SEMA5A: variants seen among roughly 807,000 people sequenced by gnomAD.
The protein encoded by SEMA5A is semaphorin-5A.
A neutral mutation model predicts 135.5 loss-of-function variants in SEMA5A; 55 were observed. The ratio of observed to expected loss-of-function variants is 0.41; its 90% CI spans 0.33 to 0.51. The LOEUF (loss-of-function observed/expected upper bound fraction) is 0.51. Among genes scored for constraint, SEMA5A ranks in the 20% least tolerant of loss-of-function variants. SEMA5A has a pLI of 0.37. For synonymous variants in SEMA5A, 580 were observed against 546.5 expected, an observed-to-expected ratio of 1.06 and a Z score of -0.85; for missense variants, 1,290 against 1,419.9, an observed-to-expected ratio of 0.91 and a Z score of 1.47.
intron 1 of SEMA5A, among the ~76,000 whole-genome samples, chr5:9,438,255 G>A (rs752160529): frequency 7.2e-5 from 11 of 151,884 alleles, no homozygotes; most frequent in Non-Finnish European, 1.5e-4. Flanking sequence ...TGGAACACAT[G>A]GTACCTTATA....
chr5:9,484,325 C>T (rs1432411521), intron 1 of SEMA5A, among the ~76,000 whole-genome samples: 1 of 152,130 alleles, frequency 6.6e-6, no homozygotes, highest in Non-Finnish European at 1.5e-5. Context: ...CCTTGGCCTC[C>T]CACAGTCAGA....
chr5:9,302,656 T>C (rs1290270347), intron 5 of SEMA5A, among the ~76,000 whole-genome samples: 1 of 152,174 alleles, frequency 6.6e-6, no homozygotes, highest in Non-Finnish European at 1.5e-5. Context: ...TGCTATAATA[T>C]CGATATTGAA....
intron 2 of SEMA5A, among the ~76,000 whole-genome samples, chr5:9,385,607 C>A (rs561252572): frequency 6.6e-6 from 1 of 152,184 alleles, no homozygotes; most frequent in African/African-American, 2.4e-5. Context: ...GTGAGCTGAC[C>A]TAGTGAGGTG....
intron 15 of SEMA5A, among the ~76,000 whole-genome samples, chr5:9,118,283 A>C (rs1740628013): frequency 6.6e-6 from 1 of 152,238 alleles, no homozygotes; most frequent in Admixed American, 6.5e-5. Context: ...ATAGTGACAA[A>C]TTAGAATAAA....
intron 3 of SEMA5A, among the ~76,000 whole-genome samples, chr5:9,375,837 G>T (rs1039527348): frequency 1.3e-5 from 2 of 151,448 alleles, no homozygotes; most frequent in Admixed American, 6.6e-5. Flanking sequence ...CCCCATTCTT[G>T]GTTCTCAGAA....
At chr5:9,240,187 A>C (rs1490591441) in intron 5 of SEMA5A, among the ~76,000 whole-genome samples, 1 of 152,092 alleles carries the variant, frequency 6.6e-6, no homozygotes, top group Non-Finnish European at 1.5e-5. Context: ...GATTTTCTGA[A>C]GATAGTGATT....
intron 3 of SEMA5A, among the ~76,000 whole-genome samples, chr5:9,372,897 C>T (rs774101213): frequency 3.3e-5 from 5 of 152,206 alleles, no homozygotes; most frequent in Non-Finnish European, 5.9e-5. Flanking sequence ...TGACACTGTC[C>T]GTGTTACGCC....
chr5:9,482,874 A>AT (rs1351438041), intron 1 of SEMA5A, among the ~76,000 whole-genome samples: 1 of 152,200 alleles, frequency 6.6e-6, no homozygotes, highest in African/African-American at 2.4e-5. Context: ...TTTCCTGATC[A>AT]TTTAGTCTCA....
intron 2 of SEMA5A, among the ~76,000 whole-genome samples, chr5:9,396,143 A>G (rs1465118773): frequency 2.6e-5 from 4 of 152,142 alleles, no homozygotes; most frequent in African/African-American, 9.7e-5. Flanking sequence ...TTGTAGGATC[A>G]GGCAGTACTT....
chr5:9,218,460 C>T (rs1746756215), intron 8 of SEMA5A, among the ~76,000 whole-genome samples: 2 of 152,096 alleles, frequency 1.3e-5, no homozygotes, highest in Non-Finnish European at 2.9e-5. Flanking sequence ...TCGGTTTGTC[C>T]AATAACTATT....
intron 1 of SEMA5A, among the ~76,000 whole-genome samples, chr5:9,480,865 T>C (rs567842129): frequency 1.3e-5 from 2 of 152,324 alleles, no homozygotes; most frequent in South Asian, 4.1e-4. Flanking sequence ...GACACATAGA[T>C]ATGCTCAGTT....
chr5:9,343,269 T>C (rs1437720241), intron 3 of SEMA5A, among the ~76,000 whole-genome samples: 1 of 152,200 alleles, frequency 6.6e-6, no homozygotes, highest in African/African-American at 2.4e-5. Context: ...ACTGATCTGC[T>C]TTATTGGAGT....
intron 9 of SEMA5A, among the ~76,000 whole-genome samples, chr5:9,200,960 G>C (rs1266972793): frequency 1.3e-5 from 2 of 152,186 alleles, no homozygotes; most frequent in East Asian, 3.8e-4. Context: ...CTAAAACTGG[G>C]ATAATCTCAG....
At chr5:9,455,357 G>A (rs1192697236) in intron 1 of SEMA5A, among the ~76,000 whole-genome samples, 2 of 151,718 alleles carry the variant, frequency 1.3e-5, no homozygotes, top group South Asian at 2.1e-4. Context: ...CCAGGTTCAC[G>A]CCATTCTCCT....
chr5:9,186,970 T>TCTATA (rs1561000251), intron 11 of SEMA5A, among the ~76,000 whole-genome samples: 1 of 152,214 alleles, frequency 6.6e-6, no homozygotes, highest in Non-Finnish European at 1.5e-5. Flanking sequence ...CCCTCCCGCT[T>TCTATA]CTATATCAGT....
chr5:9,068,474 G>C (rs375946477), intron 16 of SEMA5A, among the ~76,000 whole-genome samples: 1 of 152,274 alleles, frequency 6.6e-6, no homozygotes. Flanking sequence ...GTGTCCAGTA[G>C]ACACCCACTT....
chr5:9,211,116 C>T lies in SEMA5A; in HGVS notation c.647-8876G>A, dbSNP rs1806046. 2.6e-5 allele frequency among the ~76,000 whole-genome samples: 4 copies of T among 152,314 alleles called. No individual in the cohort carries two copies. The South Asian group carries it at 8.3e-4, about 32-fold the overall frequency. ...TCATTGTGCTGTGTCACATGTCACA[C>T]AACTTTGCTCAACACACTTTCCATC... On this transcript the variant is annotated intron_variant, in intron 8 of 22. Coordinates refer to ENST00000382496, the MANE Select transcript of SEMA5A (RefSeq NM_003966.3).
chr5:9,433,111 G>A (rs538063669), intron 2 of SEMA5A, among the ~76,000 whole-genome samples: 5 of 152,160 alleles, frequency 3.3e-5, no homozygotes, highest in African/African-American at 1.2e-4. Flanking sequence ...GTTATTGTCC[G>A]AACATCCACA....
chr5:9,123,912 G>C (rs1369406982), intron 13 of SEMA5A, among the ~76,000 whole-genome samples: 1 of 152,110 alleles, frequency 6.6e-6, no homozygotes, highest in Admixed American at 6.6e-5. Context: ...GCAGAGGAGA[G>C]AACACCCAAC....
Sources: gnomAD v4.1 joint callset for allele counts (sites outside exome capture counted in the v4.1 genomes callset) on GRCh38, gnomAD v4.1.1 for gene constraint, MANE v1.5 for transcripts, NCBI Gene and HGNC (gene_info 2026-07-23, HGNC 2026-07-21) for gene names.